The following FAM117B variants were observed in gnomAD, a reference collection of about 807,000 sequenced individuals.
FAM117B encodes protein FAM117B.
Under a neutral mutation model 52.8 loss-of-function variants are expected in FAM117B, and 22 were observed. The ratio of observed to expected loss-of-function variants is 0.42; its 90% CI spans 0.30 to 0.59. FAM117B has a LOEUF of 0.59. FAM117B is among the 20% of genes least tolerant of loss of function. The probability of loss-of-function intolerance (pLI) is 0.22; values close to 1 mark genes in which losing one functional copy is unlikely to be tolerated. For missense variants in FAM117B, 678 were observed against 802.6 expected, an observed-to-expected ratio of 0.84 and a Z score of 1.88; for synonymous variants, 309 against 324.1, an observed-to-expected ratio of 0.95 and a Z score of 0.50.
chr2:202,671,199 A>G (rs987957477), intron 1 of FAM117B, among the ~76,000 whole-genome samples: 1 of 152,256 alleles, frequency 6.6e-6, no homozygotes, highest in Non-Finnish European at 1.5e-5. Context: ...TTTGGGTTCC[A>G]CCAAAAGAAG....
chr2:202,750,498 G>A (rs1372990182), intron 4 of FAM117B, among the ~76,000 whole-genome samples: 1 of 152,136 alleles, frequency 6.6e-6, no homozygotes, highest in Non-Finnish European at 1.5e-5. Context: ...GGGCAACAAG[G>A]TGAGACCCTG....
At chr2:202,640,296 ATATATATATAT>A (rs1314606601) in intron 1 of FAM117B, among the ~76,000 whole-genome samples, 2 of 9,194 alleles carry the variant, frequency 2.2e-4, no homozygotes, top group African/African-American at 4.3e-4. Flanking sequence ...CCACCACAAA[ATATATATATAT>A]ATATATATAT....
chr2:202,640,648 C>T (rs1689757288), intron 1 of FAM117B, among the ~76,000 whole-genome samples: 1 of 151,270 alleles, frequency 6.6e-6, no homozygotes, highest in Non-Finnish European at 1.5e-5. Context: ...GGGTCTCTGT[C>T]ACCCAGGCTG....
At chr2:202,677,177 C>T (rs1690390506) in intron 1 of FAM117B, among the ~76,000 whole-genome samples, 1 of 151,918 alleles carries the variant, frequency 6.6e-6, no homozygotes, top group African/African-American at 2.4e-5. Context: ...AAGTGATTCT[C>T]CTGCCTCAGC....
At chr2:202,668,542 A>AG (rs1437735800) in intron 1 of FAM117B, among the ~76,000 whole-genome samples, 6 of 146,938 alleles carry the variant, frequency 4.1e-5, no homozygotes, top group South Asian at 2.1e-4. Context: ...AAAAAAAAAA[A>AG]AAAAGAAAAA....
At chr2:202,657,494 GTT>G (rs1013087029) in intron 1 of FAM117B, among the ~76,000 whole-genome samples, 1 of 150,628 alleles carries the variant, frequency 6.6e-6, no homozygotes, top group Non-Finnish European at 1.5e-5. Flanking sequence ...TAGGTGTGCT[GTT>G]TTTTTTTGGA....
At chr2:202,739,718 C>T (rs1281202847) in intron 4 of FAM117B, among the ~76,000 whole-genome samples, 2 of 152,080 alleles carry the variant, frequency 1.3e-5, no homozygotes, top group African/African-American at 4.8e-5. Context: ...ACTCAGCCTC[C>T]CAAAGTCCTG....
At chr2:202,657,105 T>A (rs1301820366) in intron 1 of FAM117B, among the ~76,000 whole-genome samples, 1 of 152,184 alleles carries the variant, frequency 6.6e-6, no homozygotes, top group Non-Finnish European at 1.5e-5. Context: ...TTATTTTTTT[T>A]GAGATAACAG....
intron 1 of FAM117B, 26 bp downstream of exon 1, chr2:202,635,814 G>A: frequency 7.1e-7 from 1 of 1,406,350 alleles, no homozygotes. Context: ...CGCGCAGCAA[G>A]GGGGAGGCGG....
intron 7 of FAM117B, among the ~76,000 whole-genome samples, chr2:202,762,445 T>G (rs536448218): frequency 4.7e-4 from 71 of 152,360 alleles, no homozygotes; most frequent in African/African-American, 1.7e-3. Flanking sequence ...ATATACTCTT[T>G]CCTGATCCCA....
In FAM117B at chr2:202,635,206, C is replaced by A. The variant is rs775984471; in HGVS notation, c.19C>A (p.Arg7Ser). 2 of 1,296,634 alleles carry A rather than the reference C, an allele frequency of 1.5e-6. No homozygotes were observed. Among genetic ancestry groups the A allele is most frequent in the East Asian group, 6.2e-5 (2 of 32,172 alleles). 80.3% of individuals were successfully genotyped at this position (1,296,634 alleles called of 1,614,324 possible). Residue 7 changes from arginine (R) to serine (S), a missense_variant, in exon 1 of 8, where the codon CGC (arginine) becomes AGC (serine). Around this residue, in one of 3 missense-constraint regions of FAM117B, gnomAD observed 583 missense variants for 644.8 expected, o/e 0.90. Transcript: ENST00000392238. ...GGGGACCATGTCCCAGCGGGTGAGG[C>A]GCAATGGGTCCCCCACGCCGGCCGG... Reference protein sequence around the residue: MSQRVRRNGSPTPAGSL... With the variant: MSQRVRSNGSPTPAGSL...
At chr2:202,716,032 G>A (rs1350147354) in intron 2 of FAM117B, among the ~76,000 whole-genome samples, 1 of 152,146 alleles carries the variant, frequency 6.6e-6, no homozygotes, top group African/African-American at 2.4e-5. Flanking sequence ...GATGGCAGCA[G>A]TACAGTCCAG....
chr2:202,635,444 G>A lies in FAM117B; in HGVS notation c.257G>A (p.Arg86His), dbSNP rs1284581659. ...GGCGGCGGCGGCGGCGGTGGCCCGC[G>A]CACCGCCTCGCGCAGCACCAGCCCC... Reference protein sequence around the residue: ...PAGGGGGGGPRTASRSTSPTR... With the variant: ...PAGGGGGGGPHTASRSTSPTR... Residue 86 changes from arginine to histidine, a missense_variant, in exon 1 of 8, where the codon CGC (arginine) becomes CAC (histidine). This residue lies in a region of FAM117B where 583 missense variants were observed against 644.8 expected (regional missense o/e 0.90). Coordinates refer to ENST00000392238, the MANE Select transcript of FAM117B (RefSeq NM_173511.4). 2.7e-5 allele frequency: 32 copies of A among 1,191,280 alleles called. No homozygotes were observed. The highest frequency in any genetic ancestry group is 3.1e-5 in the Non-Finnish European group (30 of 965,456). The allele number at this position is 1,191,280 out of a possible 1,614,324, so 73.8% of individuals were successfully genotyped here.
In FAM117B at chr2:202,649,083, C is replaced by T. The variant is rs369159940; in HGVS notation, c.601+13295C>T. Among the ~76,000 whole-genome samples the T allele has an allele frequency of 2.0e-5, 3 of 152,114 alleles. No homozygotes were observed. The South Asian group carries it at 6.2e-4, about 32-fold the overall frequency. On this transcript the variant is annotated intron_variant, in intron 1 of 7. Transcript: ENST00000392238. ...TTCTTAGAAATAGAATTTTTTGGGT[C>T]AGAAGGGCGTGCATTTTTCTTTGTG... is the stretch of plus-strand genomic sequence containing the variant.
intron 1 of FAM117B, among the ~76,000 whole-genome samples, chr2:202,639,314 G>T (rs1424218537): frequency 6.6e-6 from 1 of 152,180 alleles, no homozygotes; most frequent in African/African-American, 2.4e-5. Context: ...TTCTTCTAGG[G>T]TTAGAGCTAA....
Position 202,720,400 on chromosome 2 carries a change from C to CGTGT in FAM117B, c.754-4493_754-4490dup, listed in dbSNP as rs547237672. 1.2e-3 allele frequency among the ~76,000 whole-genome samples: 158 copies of CGTGT among 136,820 alleles called. 1 individual carries two copies. The highest frequency in any genetic ancestry group is 7.6e-3 in the South Asian group (34 of 4,450). The allele number at this position is 136,820 out of a possible 152,430, so 89.8% of individuals were successfully genotyped here. On this transcript the variant is annotated intron_variant, in intron 2 of 7. Transcript: ENST00000392238. Reference sequence around the variant, plus strand: ...CATTAGTCATATTTGCTTTACCTGTCGTGTGTGTGTGTGTGTGTGTGTGTG... The same window carrying CGTGT: ...CATTAGTCATATTTGCTTTACCTGTCGTGTGTGTGTGTGTGTGTGTGTGTGTGTG...
At chr2:202,764,549 T>G (rs1256371205) in intron 7 of FAM117B, among the ~76,000 whole-genome samples, 1 of 152,072 alleles carries the variant, frequency 6.6e-6, no homozygotes, top group Non-Finnish European at 1.5e-5. Flanking sequence ...AAATTACAGG[T>G]GTGAACCACC....
chr2:202,731,334 T>A lies in FAM117B; in HGVS notation c.960+4971T>A, dbSNP rs181078150. Among the ~76,000 whole-genome samples, 162 of 57,398 alleles carry A rather than the reference T, an allele frequency of 2.8e-3. 7 individuals are homozygous for A. Among genetic ancestry groups the A allele is most frequent in the Middle Eastern group, 0.025 (3 of 120 alleles). The allele number at this position is 57,398 out of a possible 152,430, so 37.7% of individuals were successfully genotyped here. ...AGGGGAGGATGTGGAGAAATTGGAA[T>A]ATATATATATATATATATATATATA... On this transcript the variant is annotated intron_variant, in intron 4 of 7. Coordinates refer to ENST00000392238, the MANE Select transcript of FAM117B (RefSeq NM_173511.4).
rs1002275029 is a variant in FAM117B at position 202,740,173 on chromosome 2, CCAAAAAAAAAAAAAAA to C, written c.960+13811_960+13826del. Among the ~76,000 whole-genome samples the C allele has an allele frequency of 4.9e-4, 34 of 69,676 alleles. 2 individuals are homozygous for C. Among genetic ancestry groups the C allele is most frequent in the African/African-American group, 4.0e-4 (7 of 17,450 alleles). The allele number at this position is 69,676 out of a possible 152,430, so 45.7% of individuals were successfully genotyped here. ...GGAGGACAGAGCGAGACTTCATCCC[CCAAAAAAAAAAAAAAA>C]AAAAAAAAAAAAATCCCCAAATTAG... is the stretch of plus-strand genomic sequence containing the variant. On this transcript the variant is annotated intron_variant, in intron 4 of 7. Transcript: ENST00000392238.
Sources: gnomAD v4.1 joint callset for allele counts (sites outside exome capture counted in the v4.1 genomes callset) on GRCh38, gnomAD v4.1.1 for gene constraint, gnomAD v4.1.1 regional missense constraint, MANE v1.5 for transcripts, NCBI Gene and HGNC (gene_info 2026-07-23, HGNC 2026-07-21) for gene names.